TMEM212: variants seen among roughly 807,000 people sequenced by gnomAD.
TMEM212 encodes transmembrane protein 212.
TMEM212 carries 23 observed loss-of-function variants against 20.5 expected under a neutral mutation model. The ratio of observed to expected loss-of-function variants is 1.12; its 90% CI spans 0.81 to 1.59. The LOEUF (loss-of-function observed/expected upper bound fraction) is 1.59. Among genes scored for constraint, TMEM212 ranks in the 40% most tolerant of loss-of-function variants. The probability of loss-of-function intolerance (pLI) is 0.00; values close to 1 mark genes in which losing one functional copy is unlikely to be tolerated. For synonymous variants in TMEM212, 76 were observed against 81.6 expected (o/e 0.93, Z 0.37); for missense variants, 211 against 215.0 (o/e 0.98, Z 0.12).
chr3:171,844,877 A>C (rs541233146), intron 1 of TMEM212, among the ~76,000 whole-genome samples: 1 of 152,222 alleles, frequency 6.6e-6, no homozygotes, highest in African/African-American at 2.4e-5. Context: ...TTGAGTTACA[A>C]TGAAGGATCC....
chr3:171,849,464 T>G (rs1724921913), intron 1 of TMEM212, among the ~76,000 whole-genome samples: 1 of 152,238 alleles, frequency 6.6e-6, no homozygotes. Flanking sequence ...TTTCTGTGCC[T>G]CATTTTAAAA....
chr3:171,848,009 T>C (rs1482891534), intron 1 of TMEM212, among the ~76,000 whole-genome samples: 1 of 152,214 alleles, frequency 6.6e-6, no homozygotes, highest in East Asian at 1.9e-4. Flanking sequence ...TTAGATATCC[T>C]AAGCTGCTTT....
intron 1 of TMEM212, among the ~76,000 whole-genome samples, chr3:171,844,531 C>T (rs1216338742): frequency 1.3e-5 from 2 of 152,130 alleles, no homozygotes; most frequent in African/African-American, 4.8e-5. Context: ...CATGGCGAAA[C>T]CCCGTCACTA....
At chr3:171,851,017 T>C (rs947307109) in intron 1 of TMEM212, among the ~76,000 whole-genome samples, 1 of 152,216 alleles carries the variant, frequency 6.6e-6, no homozygotes, top group Non-Finnish European at 1.5e-5. Flanking sequence ...GCTGATTTTT[T>C]TTCCTCCTTA....
chr3:171,857,889 A>C (rs1435776120), intron 4 of TMEM212, among the ~76,000 whole-genome samples, 172 bp from the exon 5 acceptor site: 1 of 151,474 alleles, frequency 6.6e-6, no homozygotes, highest in African/African-American at 2.5e-5. Context: ...ACCGGGTAAG[A>C]GATAACAAGT....
intron 3 of TMEM212, among the ~76,000 whole-genome samples, chr3:171,854,273 A>G (rs1725061239): frequency 6.6e-6 from 1 of 152,172 alleles, no homozygotes; most frequent in South Asian, 2.1e-4. Context: ...CCTTATATAT[A>G]TATACCCTAA....
intron 1 of TMEM212, among the ~76,000 whole-genome samples, chr3:171,850,358 A>G (rs1336298990): frequency 1.3e-5 from 2 of 152,222 alleles, no homozygotes; most frequent in Non-Finnish European, 2.9e-5. Context: ...GGCAGCTACA[A>G]AAATAACAGG....
Position 171,858,370 on chromosome 3 carries a change from T to C in TMEM212, c.*313T>C, listed in dbSNP as rs915984770. 4 of 152,142 alleles carry C rather than the reference T, an allele frequency of 2.6e-5. No homozygotes were observed. Among genetic ancestry groups the C allele is most frequent in the African/African-American group, 7.3e-5 (3 of 41,376 alleles). The allele number at this position is 152,142 out of a possible 1,614,324, so 9.4% of individuals were successfully genotyped here. ...GTGCTGGGAAAACTGGTTAGCCATA[T>C]GTAGAAAGCTGAAACTGGATCCCTT... On this transcript the variant is annotated 3_prime_UTR_variant, in exon 5 of 5. Coordinates refer to ENST00000334567, the MANE Select transcript of TMEM212 (RefSeq NM_001164436.2).
At position 171,858,716 on chromosome 3, in the gene TMEM212, AAAT is replaced by A. The variant is rs1346144100; in HGVS notation, c.*660_*662del. On this transcript the variant is annotated 3_prime_UTR_variant, in exon 5 of 5. Coordinates refer to ENST00000334567, the MANE Select transcript of TMEM212 (RefSeq NM_001164436.2). ...TCCAGAATCTACAAAGAACTTAAACAAATTTACAAGAAAAAAACAAACAACCAC... is the reference window on the plus strand; with the variant it reads ...TCCAGAATCTACAAAGAACTTAAACATTACAAGAAAAAAACAAACAACCAC... 168 of 151,962 alleles carry A rather than the reference AAAT, an allele frequency of 1.1e-3. No homozygotes were observed. The highest frequency in any genetic ancestry group is 3.8e-3 in the African/African-American group (157 of 41,208). 9.4% of individuals were successfully genotyped at this position (151,962 alleles called of 1,614,324 possible).
chr3:171,847,680 G>A (rs1234709548), intron 1 of TMEM212, among the ~76,000 whole-genome samples: 1 of 152,180 alleles, frequency 6.6e-6, no homozygotes, highest in Non-Finnish European at 1.5e-5. Context: ...GTCGGTGGAT[G>A]GAAAATTACT....
chr3:171,857,588 A>T (rs1725148537), intron 4 of TMEM212, among the ~76,000 whole-genome samples: 1 of 152,210 alleles, frequency 6.6e-6, no homozygotes, highest in South Asian at 2.1e-4. Context: ...CAAAGAAAAC[A>T]ATCAACAAAA....
At chr3:171,847,844 G>A (rs188906356) in intron 1 of TMEM212, among the ~76,000 whole-genome samples, 2 of 152,048 alleles carry the variant, frequency 1.3e-5, no homozygotes, top group Admixed American at 6.5e-5. Flanking sequence ...TTGAGACTAG[G>A]GGGGGTTCTT....
rs144829423 is a variant in TMEM212 at position 171,850,855 on chromosome 3, G to A, written c.160-1127G>A. On this transcript the variant is annotated intron_variant, in intron 1 of 4. Coordinates refer to ENST00000334567, the MANE Select transcript of TMEM212 (RefSeq NM_001164436.2). ...TGTGTCTGTGTGTGTGTGTGCACGC[G>A]CGTGTGTGTTTCCCTCTCTCTCAAA... Among the ~76,000 whole-genome samples the A allele has an allele frequency of 1.8e-3, 277 of 152,168 alleles. 1 individual carries two copies. Among genetic ancestry groups the A allele is most frequent in the Admixed American group, 4.1e-3 (63 of 15,282 alleles).
chr3:171,844,996 C>G (rs1303641492), intron 1 of TMEM212, among the ~76,000 whole-genome samples: 1 of 152,114 alleles, frequency 6.6e-6, no homozygotes, highest in African/African-American at 2.4e-5. Context: ...GAGGAAACCA[C>G]AGGGTTATCT....
Sources: gnomAD v4.1 joint callset for allele counts (sites outside exome capture counted in the v4.1 genomes callset) on GRCh38, gnomAD v4.1.1 for gene constraint, MANE v1.5 for transcripts, NCBI Gene and HGNC (gene_info 2026-07-23, HGNC 2026-07-21) for gene names.